The following NCOA3 variants were observed in gnomAD, a reference collection of about 807,000 sequenced individuals.
NCOA3 encodes the protein CBP-interacting protein.
A neutral mutation model predicts 158.8 loss-of-function variants in NCOA3; 51 were observed. The ratio of observed to expected loss-of-function variants is 0.32; its 90% CI spans 0.26 to 0.41. The LOEUF is 0.41. Ranked by LOEUF, NCOA3 falls within the 10% of genes least tolerant of loss-of-function variation. The pLI, the probability that NCOA3 is intolerant of heterozygous loss-of-function variation, is 1.00. For synonymous variants in NCOA3, 537 were observed against 592.4 expected (o/e 0.91, Z 1.36); for missense variants, 1,510 against 1,746.6 (o/e 0.86, Z 2.41).
chr20:47,525,477 G>A (rs865962737), intron 1 of NCOA3, among the ~76,000 whole-genome samples: 3 of 150,714 alleles, frequency 2.0e-5, no homozygotes, highest in African/African-American at 4.9e-5. Context: ...TGGTGGCCGG[G>A]CAGAGGGGCT....
intron 2 of NCOA3, among the ~76,000 whole-genome samples, chr20:47,605,150 G>A (rs2085925696): frequency 6.6e-6 from 1 of 152,258 alleles, no homozygotes; most frequent in South Asian, 2.1e-4. Context: ...ATAGGCGTGA[G>A]CCACCACGCC....
At chr20:47,622,446 G>A (rs977797636) in intron 3 of NCOA3, 116 bp downstream of exon 3, 28 of 663,306 alleles carry the variant, frequency 4.2e-5, no homozygotes, top group Non-Finnish European at 6.3e-5. Flanking sequence ...GTTTCACTTC[G>A]TGGTAAGTAG....
intron 1 of NCOA3, among the ~76,000 whole-genome samples, chr20:47,536,813 T>C (rs555506598): frequency 2.0e-5 from 3 of 151,074 alleles, no homozygotes; most frequent in South Asian, 4.2e-4. Context: ...TTCTTTTTTT[T>C]TTTTTTTTTT....
At chr20:47,610,326 C>T (rs1384957126) in intron 2 of NCOA3, among the ~76,000 whole-genome samples, 1 of 152,032 alleles carries the variant, frequency 6.6e-6, no homozygotes, top group African/African-American at 2.4e-5. Context: ...CTCAAGTGAT[C>T]CTCTTACCTG....
intron 2 of NCOA3, among the ~76,000 whole-genome samples, chr20:47,591,318 T>C (rs1318761374): frequency 6.6e-6 from 1 of 152,228 alleles, no homozygotes; most frequent in Admixed American, 6.5e-5. Flanking sequence ...AATTTAAAAA[T>C]GTTAGCTCAG....
At chr20:47,533,284 CAAAAAAAAAAA>C (rs1158802672) in intron 1 of NCOA3, among the ~76,000 whole-genome samples, 4 of 54,854 alleles carry the variant, frequency 7.3e-5, no homozygotes, top group African/African-American at 3.1e-4. Context: ...GGTTCCGTCT[CAAAAAAAAAAA>C]AAAAAAAAAG....
intron 1 of NCOA3, among the ~76,000 whole-genome samples, chr20:47,510,769 G>GT (rs1388224319): frequency 2.6e-5 from 4 of 152,020 alleles, no homozygotes; most frequent in Non-Finnish European, 4.4e-5. Context: ...ATGTTTTTAA[G>GT]TTTTGTATAG....
intron 2 of NCOA3, among the ~76,000 whole-genome samples, chr20:47,594,688 AAAAAAAAG>A (rs1221153131): frequency 6.1e-5 from 9 of 148,070 alleles, no homozygotes; most frequent in African/African-American, 2.2e-4. Flanking sequence ...AAAAAAAAAA[AAAAAAAAG>A]AGAAGATGAA....
chr20:47,553,376 T>C (rs999028525), intron 1 of NCOA3, among the ~76,000 whole-genome samples: 28 of 152,184 alleles, frequency 1.8e-4, no homozygotes, highest in Non-Finnish European at 3.5e-4. Context: ...AAGATACTTT[T>C]ACACTCTTGA....
At chr20:47,643,069 C>A (rs903135234) in intron 17 of NCOA3, among the ~76,000 whole-genome samples, 1 of 152,210 alleles carries the variant, frequency 6.6e-6, no homozygotes, top group Non-Finnish European at 1.5e-5. Context: ...CGCCACCACG[C>A]CCGGGTAATT....
intron 2 of NCOA3, among the ~76,000 whole-genome samples, chr20:47,591,568 G>T (rs569829599): frequency 2.0e-5 from 3 of 152,258 alleles, no homozygotes; most frequent in South Asian, 2.1e-4. Context: ...TGGCCTGAAG[G>T]ATATAATTTC....
intron 1 of NCOA3, among the ~76,000 whole-genome samples, chr20:47,510,306 G>A (rs368631746): frequency 6.6e-6 from 1 of 151,530 alleles, no homozygotes; most frequent in Admixed American, 6.6e-5. Flanking sequence ...GGTGGCGGGT[G>A]CCTGTAATCC....
At chr20:47,602,848 A>G (rs552295908) in intron 2 of NCOA3, among the ~76,000 whole-genome samples, 1 of 152,294 alleles carries the variant, frequency 6.6e-6, no homozygotes, top group South Asian at 2.1e-4. Flanking sequence ...GAGAAGCCTG[A>G]GTTTCTTTCC....
intron 1 of NCOA3, among the ~76,000 whole-genome samples, chr20:47,582,078 C>T (rs2085462926): frequency 6.6e-6 from 1 of 152,162 alleles, no homozygotes; most frequent in African/African-American, 2.4e-5. Flanking sequence ...TCAGAGTACC[C>T]ATCTGTTTTG....
At chr20:47,532,110 T>TTGTGTG (rs11474538) in intron 1 of NCOA3, among the ~76,000 whole-genome samples, 3,344 of 147,422 alleles carry the variant, frequency 0.023, 50 homozygotes, top group South Asian at 0.038. Flanking sequence ...AGGGGGGGAC[T>TTGTGTG]TGTGTGTGTG....
rs1227115541 is a variant in NCOA3, at chr20:47,643,166, G to A, written c.3252+782G>A. On this transcript the variant is annotated intron_variant, in intron 17 of 22. Coordinates refer to ENST00000371998, the MANE Select transcript of NCOA3 (RefSeq NM_181659.3). ...TGACCTCAAGTGATCCACTCGCCTT[G>A]GCCTCCCAAAGTGCTGGGATTACAG... is the stretch of plus-strand genomic sequence containing the variant. 2.6e-5 allele frequency among the ~76,000 whole-genome samples: 4 copies of A among 152,362 alleles called. 1 individual carries two copies. Among genetic ancestry groups the A allele is most frequent in the African/African-American group, 9.6e-5 (4 of 41,588 alleles).
chr20:47,604,806 G>A lies in NCOA3; in HGVS notation c.-19-17423G>A, dbSNP rs184170979. Among the ~76,000 whole-genome samples, 28 of 152,236 alleles carry A rather than the reference G, an allele frequency of 1.8e-4. No individual in the cohort carries two copies. The East Asian group carries it at 3.1e-3, about 17-fold the overall frequency. On this transcript the variant is annotated intron_variant, in intron 2 of 22. Coordinates refer to ENST00000371998, the MANE Select transcript of NCOA3 (RefSeq NM_181659.3). ...AATTTCAAGATTTTTATTAAGCATT[G>A]AATTCATCTTTTGATATTGATGAAT...
chr20:47,565,232 C>T (rs750340674), intron 1 of NCOA3, among the ~76,000 whole-genome samples: 13 of 152,170 alleles, frequency 8.5e-5, no homozygotes, highest in Non-Finnish European at 1.6e-4. Context: ...ACGCCTGCCT[C>T]GGCCTCCCAA....
At chr20:47,548,784 A>T (rs947990000) in intron 1 of NCOA3, among the ~76,000 whole-genome samples, 1 of 152,150 alleles carries the variant, frequency 6.6e-6, no homozygotes, top group African/African-American at 2.4e-5. Flanking sequence ...TTTACTGTGT[A>T]GTCTCCCCAA....
Sources: gnomAD v4.1 joint callset for allele counts (sites outside exome capture counted in the v4.1 genomes callset) on GRCh38, gnomAD v4.1.1 for gene constraint, MANE v1.5 for transcripts, NCBI Gene and HGNC (gene_info 2026-07-23, HGNC 2026-07-21) for gene names.